Variants in GALNT13 observed in about 807,000 individuals in gnomAD.
The protein encoded by GALNT13 is UDP-GalNAc:polypeptide N-acetylgalactosaminyltransferase 13.
A neutral mutation model predicts 64.2 loss-of-function variants in GALNT13; 28 were observed. That is an observed-to-expected ratio of 0.44 (90% confidence interval 0.32 to 0.60). The LOEUF is 0.60. Ranked by LOEUF, GALNT13 falls within the 20% of genes least tolerant of loss-of-function variation. The pLI is 0.05. For synonymous variants in GALNT13, 214 were observed against 224.6 expected, an observed-to-expected ratio of 0.95 and a Z score of 0.42; for missense variants, 577 against 669.8, an observed-to-expected ratio of 0.86 and a Z score of 1.53.
chr2:153,599,517 A>G, the GALNT13 span, among the ~76,000 whole-genome samples: 16 of 152,014 alleles, frequency 1.1e-4, no homozygotes, highest in South Asian at 1.5e-3. Flanking sequence ...AATTTTGTCC[A>G]TTGTACTGCT....
the GALNT13 span, among the ~76,000 whole-genome samples, chr2:153,742,461 C>T: frequency 1.3e-5 from 2 of 152,086 alleles, no homozygotes; most frequent in Non-Finnish European, 2.9e-5. Context: ...AGGCTTGTTA[C>T]ATGTATACAA....
At chr2:154,424,730 C>T (rs78582002) in intron 11 of GALNT13, among the ~76,000 whole-genome samples, 113 of 152,324 alleles carry the variant, frequency 7.4e-4, no homozygotes, top group Non-Finnish European at 1.2e-3. Flanking sequence ...TAGTTATCCA[C>T]AGTGTAACTA....
At chr2:153,476,592 A>C in the GALNT13 span, among the ~76,000 whole-genome samples, 2 of 151,942 alleles carry the variant, frequency 1.3e-5, no homozygotes. Flanking sequence ...CTGTAGTTCT[A>C]CTCCAAATAT....
intron 4 of GALNT13, among the ~76,000 whole-genome samples, chr2:154,200,952 A>G (rs756158978): frequency 3.9e-5 from 6 of 152,190 alleles, no homozygotes; most frequent in Non-Finnish European, 8.8e-5. Context: ...TTGTTTTTCC[A>G]AGAAAATGCA....
At chr2:154,041,463 T>A (rs1208771560) in intron 3 of GALNT13, among the ~76,000 whole-genome samples, 1 of 140,196 alleles carries the variant, frequency 7.1e-6, no homozygotes, top group African/African-American at 2.4e-5. Context: ...TCTGTGAGGT[T>A]TTTTTCTGGA....
the GALNT13 span, among the ~76,000 whole-genome samples, chr2:153,198,521 T>C: frequency 2.0e-5 from 3 of 152,238 alleles, no homozygotes; most frequent in Non-Finnish European, 2.9e-5. Flanking sequence ...CTCTTAGGTG[T>C]TCTATTCAAA....
rs147850949 is a variant in GALNT13, at chr2:153,954,173, T to C, written c.142+9534T>C. ...GAACTAAAGAATTAAAGCAATAAAT[T>C]AAATTAAAGCAATAAAACTAACAGC... On this transcript the variant is annotated intron_variant, in intron 3 of 12. Coordinates refer to ENST00000392825, the MANE Select transcript of GALNT13 (RefSeq NM_052917.4). Among the ~76,000 whole-genome samples the C allele has an allele frequency of 4.6e-5, 7 of 152,208 alleles. No individual in the cohort carries two copies. In the East Asian group the frequency reaches 1.4e-3, roughly 29 times the overall value.
At chr2:154,026,081 T>C (rs1395377170) in intron 3 of GALNT13, among the ~76,000 whole-genome samples, 1 of 152,164 alleles carries the variant, frequency 6.6e-6, no homozygotes, top group East Asian at 1.9e-4. Flanking sequence ...TTTGCATTTT[T>C]TAAATGATTA....
chr2:153,230,477 A>G, the GALNT13 span, among the ~76,000 whole-genome samples: 1 of 152,222 alleles, frequency 6.6e-6, no homozygotes, highest in Non-Finnish European at 1.5e-5. Context: ...TGCTGACTTA[A>G]TAATGGCATG....
At chr2:154,019,534 T>A (rs1472565027) in intron 3 of GALNT13, among the ~76,000 whole-genome samples, 2 of 150,020 alleles carry the variant, frequency 1.3e-5, no homozygotes. Context: ...CGCTTGAACT[T>A]GGGAGGCAGA....
intron 1 of GALNT13, among the ~76,000 whole-genome samples, chr2:153,894,956 C>A (rs1237978884): frequency 6.6e-6 from 1 of 152,004 alleles, no homozygotes; most frequent in Non-Finnish European, 1.5e-5. Flanking sequence ...GTAGAGCAAA[C>A]AAAGTAAGAC....
At chr2:153,222,327 T>TGGGGGGGGGGG in the GALNT13 span, among the ~76,000 whole-genome samples, 1 of 95,578 alleles carries the variant, frequency 1.0e-5, no homozygotes, top group Non-Finnish European at 2.1e-5. Context: ...GGGGGGGGGG[T>TGGGGGGGGGGG]GGGGTGGGGG....
At chr2:153,531,427 C>T in the GALNT13 span, among the ~76,000 whole-genome samples, 3 of 152,124 alleles carry the variant, frequency 2.0e-5, no homozygotes, top group Non-Finnish European at 4.4e-5. Flanking sequence ...TGGGATGGTG[C>T]TAAACCTTTA....
intron 3 of GALNT13, among the ~76,000 whole-genome samples, chr2:154,035,861 TAGG>T (rs1323929947): frequency 3.9e-5 from 6 of 152,018 alleles, no homozygotes; most frequent in Non-Finnish European, 5.9e-5. Context: ...CACTCATTAA[TAGG>T]AGAGAGAGGA....
the GALNT13 span, among the ~76,000 whole-genome samples, chr2:153,650,038 T>C: frequency 6.6e-6 from 1 of 152,168 alleles, no homozygotes; most frequent in South Asian, 2.1e-4. Context: ...TCTGTCTCAT[T>C]GATCTGTCTA....
chr2:154,065,284 A>G (rs1221724672), intron 3 of GALNT13, among the ~76,000 whole-genome samples: 2 of 152,034 alleles, frequency 1.3e-5, no homozygotes, highest in East Asian at 1.9e-4. Context: ...TTCTGGACCT[A>G]CTCAGGGCCT....
intron 4 of GALNT13, among the ~76,000 whole-genome samples, chr2:154,144,186 A>G (rs1216758561): frequency 6.6e-6 from 1 of 152,166 alleles, no homozygotes; most frequent in Admixed American, 6.6e-5. Flanking sequence ...CAAAATTCCT[A>G]GACAAGTCAC....
At chr2:153,878,368 C>T (rs537300347) in intron 1 of GALNT13, among the ~76,000 whole-genome samples, 1 of 152,148 alleles carries the variant, frequency 6.6e-6, no homozygotes, top group African/African-American at 2.4e-5. Context: ...CTCTGAACCA[C>T]TGTGATATGC....
At chr2:153,486,105 T>C in the GALNT13 span, among the ~76,000 whole-genome samples, 1 of 151,984 alleles carries the variant, frequency 6.6e-6, no homozygotes, top group Non-Finnish European at 1.5e-5. Flanking sequence ...ACCTGGCTAA[T>C]TTTTGTATTT....
Sources: gnomAD v4.1 joint callset for allele counts (sites outside exome capture counted in the v4.1 genomes callset) on GRCh38, gnomAD v4.1.1 for gene constraint, MANE v1.5 for transcripts, NCBI Gene and HGNC (gene_info 2026-07-23, HGNC 2026-07-21) for gene names.